The following AHI1 variants were observed in gnomAD, a reference collection of about 807,000 sequenced individuals.
AHI1 encodes jouberin.
Under a neutral mutation model 149.3 loss-of-function variants are expected in AHI1, and 123 were observed. The observed-to-expected ratio is 0.82, with a 90% confidence interval of 0.71 to 0.96. The LOEUF (loss-of-function observed/expected upper bound fraction) is 0.96, where lower values mean the gene tolerates loss of function less well. Among genes scored for constraint, AHI1 ranks in the 40% least tolerant of loss-of-function variants. AHI1 has a pLI of 0.00. For synonymous variants in AHI1, 475 were observed against 459.8 expected, an observed-to-expected ratio of 1.03 and a Z score of -0.42; for missense variants, 1,439 against 1,422.7, an observed-to-expected ratio of 1.01 and a Z score of -0.18.
intron 24 of AHI1, among the ~76,000 whole-genome samples, chr6:135,348,652 A>G (rs1489454033): frequency 6.6e-6 from 1 of 152,166 alleles, no homozygotes; most frequent in African/African-American, 2.4e-5. Context: ...AATAAAGAAA[A>G]CTTGTATGAG....
rs113237382 is a variant in AHI1, at chr6:135,369,989, T to C, written c.3110-11802A>G. 9.4e-3 allele frequency among the ~76,000 whole-genome samples: 1,427 copies of C among 152,350 alleles called. 17 individuals carry two copies. Among genetic ancestry groups the C allele is most frequent in the African/African-American group, 0.032 (1,332 of 41,572 alleles). ...CAGATATTTTAAAATTCTTGCCTGC[T>C]AATGCCAACATTTTGATTATCTGTA... On this transcript the variant is annotated intron_variant, in intron 23 of 28. Transcript: ENST00000265602.
At position 135,466,249 on chromosome 6, in the gene AHI1, T is replaced by G. The variant is rs771455350; in HGVS notation, c.314A>C (p.Gln105Pro). ...ACCATTAGGATTTTCAGTTGCTAAC[T>G]GTGTGTTCCTCAATTTGTTTTTAGT... ...RVTKNKLRNT[Q>P]LATENPNGDA... is the part of the protein sequence containing the mutation. The change falls in exon 7 of 29, where the codon CAG becomes CCG. Residue 105 changes from glutamine to proline, a missense_variant. Gln to Pro is a moderately conservative substitution (Grantham distance 76). Coordinates refer to ENST00000265602, the MANE Select transcript of AHI1 (RefSeq NM_001134831.2). 1.2e-6 allele frequency: 2 copies of G among 1,613,890 alleles called. No individual in the cohort carries two copies. Among genetic ancestry groups the G allele is most frequent in the Non-Finnish European group, 1.7e-6 (2 of 1,179,880 alleles).
At chr6:135,374,498 T>C (rs1775609415) in intron 23 of AHI1, among the ~76,000 whole-genome samples, 1 of 152,086 alleles carries the variant, frequency 6.6e-6, no homozygotes, top group Non-Finnish European at 1.5e-5. Context: ...AAACTATGTT[T>C]TGCAGATAAT....
At chr6:135,418,367 T>C (rs569618354) in intron 20 of AHI1, among the ~76,000 whole-genome samples, 1 of 152,270 alleles carries the variant, frequency 6.6e-6, no homozygotes, top group African/African-American at 2.4e-5. Flanking sequence ...CTAAATTTAC[T>C]TCTAATAGGC....
chr6:135,467,614 A>T lies in AHI1; in HGVS notation c.156T>A (p.Asn52Lys), dbSNP rs1377525129. ...TTGTAGTTTCTTTCATATAGTGAAG[A>T]TTGCTTCTAATAGTGTCAGGCTAAA... ...ENISPDTIRS[N>K]LHYMKETTSD... Residue 52 changes from asparagine (N) to lysine (K), a missense_variant, in exon 6 of 29, where the codon AAT becomes AAA. Asn to Lys is a moderately conservative substitution (Grantham distance 94). Coordinates refer to ENST00000265602, the MANE Select transcript of AHI1 (RefSeq NM_001134831.2). The T allele has an allele frequency of 1.9e-6, 3 of 1,608,674 alleles. No individual in the cohort carries two copies. The highest frequency in any genetic ancestry group is 4.5e-5 in the East Asian group (2 of 44,676).
chr6:135,470,909 C>T (rs1462665962), intron 5 of AHI1, among the ~76,000 whole-genome samples: 3 of 152,136 alleles, frequency 2.0e-5, no homozygotes, highest in African/African-American at 4.8e-5. Flanking sequence ...CACATGTATC[C>T]TGGAACATAA....
rs957458736 is a variant in AHI1 at position 135,394,903 on chromosome 6, T to C, written c.2989-7A>G. On this transcript the variant is annotated splice_region_variant and splice_polypyrimidine_tract_variant and intron_variant, in intron 22 of 28. Coordinates refer to ENST00000265602, the MANE Select transcript of AHI1 (RefSeq NM_001134831.2). ...ATGAGAGATTTTTGTTGACCTGTAT[T>C]AGGAAAACAAATCAGAAACTACAGT... 1.4e-5 allele frequency: 23 copies of C among 1,589,610 alleles called. No homozygotes were observed. Among genetic ancestry groups the C allele is most frequent in the South Asian group, 2.3e-5 (2 of 87,230 alleles).
intron 24 of AHI1, among the ~76,000 whole-genome samples, chr6:135,352,567 C>T (rs1426151731): frequency 6.6e-6 from 1 of 152,034 alleles, no homozygotes; most frequent in Non-Finnish European, 1.5e-5. Flanking sequence ...TATTTGGGCA[C>T]AAACTGCCTC....
Position 135,334,119 on chromosome 6 carries a change from T to A in AHI1, c.3166-10795A>T, listed in dbSNP as rs150620265. 4.4e-3 allele frequency among the ~76,000 whole-genome samples: 664 copies of A among 152,352 alleles called. 8 individuals carry two copies. Among genetic ancestry groups the A allele is most frequent in the African/African-American group, 0.015 (624 of 41,582 alleles). ...GACAAATAGGGATGACTTTCCAAGT[T>A]AGACTGAACTTGACCTTTGGGCTTC... On this transcript the variant is annotated intron_variant, in intron 24 of 28. Coordinates refer to ENST00000265602, the MANE Select transcript of AHI1 (RefSeq NM_001134831.2).
intron 20 of AHI1, among the ~76,000 whole-genome samples, chr6:135,415,701 T>C (rs1175849071): frequency 1.3e-5 from 2 of 152,196 alleles, no homozygotes; most frequent in African/African-American, 4.8e-5. Flanking sequence ...CAAAGACTTG[T>C]ATGTGAATAT....
chr6:135,433,083 A>G lies in AHI1; in HGVS notation c.2210T>C (p.Val737Ala). 2 of 1,613,746 alleles carry G rather than the reference A, an allele frequency of 1.2e-6. No individual in the cohort carries two copies. Among genetic ancestry groups the G allele is most frequent in the Non-Finnish European group, 1.7e-6 (2 of 1,179,724 alleles). ...ACTTTTGTGAACATCAAACTGTCGGACCAATATGGCAGAATCTTCTCTCAT... is the reference window on the plus strand; with the variant it reads ...ACTTTTGTGAACATCAAACTGTCGGGCCAATATGGCAGAATCTTCTCTCAT... ...VEMREDSAIL[V>A]RQFDVHKSFI... The change falls in exon 16 of 29, where the codon GTC becomes GCC. Residue 737 changes from valine (V) to alanine (A), a missense_variant. Val to Ala is a moderately conservative substitution (Grantham distance 64). Transcript: ENST00000265602.
At chr6:135,361,880 G>A (rs1050169344) in intron 23 of AHI1, among the ~76,000 whole-genome samples, 1 of 151,920 alleles carries the variant, frequency 6.6e-6, no homozygotes, top group Non-Finnish European at 1.5e-5. Flanking sequence ...AGGAACAAGT[G>A]GTGTTTGGTT....
chr6:135,341,003 C>T (rs912636343), intron 24 of AHI1, among the ~76,000 whole-genome samples: 4 of 151,468 alleles, frequency 2.6e-5, no homozygotes, highest in Admixed American at 2.6e-4. Flanking sequence ...TAAAAAAATA[C>T]TAATTTAATG....
At chr6:135,455,040 C>G (rs1361259342) in intron 10 of AHI1, among the ~76,000 whole-genome samples, 1 of 152,116 alleles carries the variant, frequency 6.6e-6, no homozygotes, top group Non-Finnish European at 1.5e-5. Context: ...CTCTATTGTC[C>G]TTTGCTTATG....
chr6:135,433,043 A>C lies in AHI1; in HGVS notation c.2250T>G (p.Leu750=), dbSNP rs1784887746. The part of the protein sequence containing the change: ...FDVHKSFINS[L]CFDTEGHHMY... ...CTGACATACCTTCAGTATCAAAACA[A>C]AGTGAGTTGATAAAACTTTTGTGAA... is the stretch of plus-strand genomic sequence containing the variant. Residue 750 remains leucine, a synonymous_variant, in exon 16 of 29, where the codon CTT becomes CTG. Coordinates refer to ENST00000265602, the MANE Select transcript of AHI1 (RefSeq NM_001134831.2). The C allele has an allele frequency of 6.2e-7, 1 of 1,611,430 alleles. No individual in the cohort carries two copies. The highest frequency in any genetic ancestry group is 8.5e-7 in the Non-Finnish European group (1 of 1,177,648).
At chr6:135,355,521 T>C (rs948296933) in intron 24 of AHI1, among the ~76,000 whole-genome samples, 1 of 152,218 alleles carries the variant, frequency 6.6e-6, no homozygotes, top group Admixed American at 6.5e-5. Flanking sequence ...GATTGTATTA[T>C]AGTACTATAG....
rs189221361 is a variant in AHI1, at chr6:135,387,652, A to T, written c.3109+7124T>A. 1.4e-4 allele frequency: 72 copies of T among 500,928 alleles called. No individual in the cohort carries two copies. The East Asian group carries it at 6.3e-3, about 44-fold the overall frequency. 31.0% of individuals were successfully genotyped at this position (500,928 alleles called of 1,614,324 possible). A position where few individuals can be genotyped will look rare whatever the true frequency, so the allele number is the denominator to read the frequency against. ...ACTATATCCATTATTTGTCTCTTTG[A>T]CATGTTCCTTTTCCTATAATCATCA... On this transcript the variant is annotated intron_variant, in intron 23 of 28. Coordinates refer to ENST00000265602, the MANE Select transcript of AHI1 (RefSeq NM_001134831.2).
chr6:135,435,469 T>C (rs187372824), intron 15 of AHI1, among the ~76,000 whole-genome samples: 9 of 152,202 alleles, frequency 5.9e-5, no homozygotes, highest in Admixed American at 5.9e-4. Context: ...GAGAAGGTCA[T>C]TTAAGTATAG....
At chr6:135,473,162 A>G (rs1792025788) in intron 5 of AHI1, among the ~76,000 whole-genome samples, 1 of 152,148 alleles carries the variant, frequency 6.6e-6, no homozygotes, top group Non-Finnish European at 1.5e-5. Context: ...AGTTTATTAT[A>G]TATGAATATC....
Sources: gnomAD v4.1 joint callset for allele counts (sites outside exome capture counted in the v4.1 genomes callset) on GRCh38, gnomAD v4.1.1 for gene constraint, MANE v1.5 for transcripts, NCBI Gene and HGNC (gene_info 2026-07-23, HGNC 2026-07-21) for gene names.